The following GRIA4 variants were observed in gnomAD, a reference collection of about 807,000 sequenced individuals.
The protein encoded by GRIA4 is glutamate ionotropic receptor AMPA type subunit 4.
In GRIA4, 34 loss-of-function variants were observed where a neutral mutation model predicts 104.0. The ratio of observed to expected loss-of-function variants is 0.33; its 90% CI spans 0.25 to 0.44. The LOEUF (loss-of-function observed/expected upper bound fraction) is 0.44, where lower values mean the gene tolerates loss of function less well. Among genes scored for constraint, GRIA4 ranks in the 20% least tolerant of loss-of-function variants. The probability of loss-of-function intolerance (pLI) is 1.00; values close to 1 mark genes in which losing one functional copy is unlikely to be tolerated. For synonymous variants in GRIA4, 386 were observed against 381.9 expected (o/e 1.01, Z -0.13); for missense variants, 750 against 1,096.5 (o/e 0.68, Z 4.46).
intron 3 of GRIA4, among the ~76,000 whole-genome samples, chr11:105,619,432 T>G (rs1950685291): frequency 6.6e-6 from 1 of 151,952 alleles, no homozygotes; most frequent in Non-Finnish European, 1.5e-5. Context: ...TTCAAGTTAT[T>G]TATATTTTAA....
At chr11:105,774,383 G>A (rs1159160006) in intron 4 of GRIA4, among the ~76,000 whole-genome samples, 20 of 151,708 alleles carry the variant, frequency 1.3e-4, no homozygotes, top group Admixed American at 1.3e-3. Flanking sequence ...TCTACTACAT[G>A]TAAAATAAAA....
intron 14 of GRIA4, among the ~76,000 whole-genome samples, chr11:105,959,749 C>T (rs781188947): frequency 2.0e-5 from 3 of 152,078 alleles, no homozygotes; most frequent in Admixed American, 6.6e-5. Context: ...TGTCTAGTTT[C>T]GTTCTTTGAG....
intron 14 of GRIA4, among the ~76,000 whole-genome samples, chr11:105,943,043 G>A (rs1192299071): frequency 2.0e-5 from 3 of 151,988 alleles, no homozygotes; most frequent in Admixed American, 2.0e-4. Flanking sequence ...CTCTCTTTAG[G>A]AAAACAACAA....
chr11:105,666,304 G>A (rs1952163529), intron 3 of GRIA4, among the ~76,000 whole-genome samples: 1 of 151,862 alleles, frequency 6.6e-6, no homozygotes, highest in South Asian at 2.1e-4. Flanking sequence ...TTATATAACA[G>A]GTACTATGCT....
chr11:105,821,918 C>G (rs1227889948), intron 4 of GRIA4, among the ~76,000 whole-genome samples: 2 of 152,068 alleles, frequency 1.3e-5, no homozygotes, highest in African/African-American at 4.8e-5. Flanking sequence ...TTCGAGGTAC[C>G]CATAAAATGC....
intron 6 of GRIA4, among the ~76,000 whole-genome samples, chr11:105,888,271 C>CCTTTTTT (rs1555038827): frequency 5.5e-5 from 3 of 54,562 alleles, no homozygotes; most frequent in Middle Eastern, 0.031. Flanking sequence ...ATGTTTTCTC[C>CCTTTTTT]TTTTTTTTTT....
chr11:105,804,844 G>C (rs576845020), intron 4 of GRIA4, among the ~76,000 whole-genome samples: 4 of 152,008 alleles, frequency 2.6e-5, no homozygotes, highest in African/African-American at 9.6e-5. Flanking sequence ...AAAGATCATT[G>C]CAGTGGGATT....
chr11:105,746,667 T>C (rs997596056), intron 3 of GRIA4, among the ~76,000 whole-genome samples: 15 of 152,154 alleles, frequency 9.9e-5, no homozygotes, highest in Non-Finnish European at 1.9e-4. Context: ...ATGGATTCTA[T>C]AACATTAGCA....
chr11:105,762,301 G>A (rs1273542750), intron 4 of GRIA4, among the ~76,000 whole-genome samples: 1 of 152,204 alleles, frequency 6.6e-6, no homozygotes. Flanking sequence ...TGGGATTACA[G>A]GCATGAGCCA....
intron 4 of GRIA4, among the ~76,000 whole-genome samples, chr11:105,851,742 G>A (rs1198082817): frequency 6.6e-6 from 1 of 152,198 alleles, no homozygotes; most frequent in Non-Finnish European, 1.5e-5. Flanking sequence ...GAGACACAGT[G>A]AAAGATTGGT....
chr11:105,967,431 G>A (rs573245571), intron 14 of GRIA4, among the ~76,000 whole-genome samples: 2 of 152,202 alleles, frequency 1.3e-5, no homozygotes, highest in African/African-American at 4.8e-5. Flanking sequence ...GGTACATAAT[G>A]GACATTTTTA....
chr11:105,646,259 A>G (rs868207207), intron 3 of GRIA4, among the ~76,000 whole-genome samples: 2 of 152,292 alleles, frequency 1.3e-5, no homozygotes, highest in Middle Eastern at 3.4e-3. Flanking sequence ...TTAGTAGGAA[A>G]TTTATCGTAT....
chr11:105,901,618 C>G (rs749031290), intron 7 of GRIA4, among the ~76,000 whole-genome samples: 32 of 152,182 alleles, frequency 2.1e-4, no homozygotes, highest in South Asian at 6.2e-4. Flanking sequence ...ATTTAAACTA[C>G]TTTTTCTTTC....
At chr11:105,758,433 C>A (rs191457039) in intron 4 of GRIA4, among the ~76,000 whole-genome samples, 7 of 152,212 alleles carry the variant, frequency 4.6e-5, no homozygotes, top group Non-Finnish European at 1.0e-4. Flanking sequence ...GGTTTTCTTA[C>A]TGGTTCCTTG....
intron 4 of GRIA4, among the ~76,000 whole-genome samples, chr11:105,754,271 T>G (rs1940176969): frequency 6.6e-6 from 1 of 152,118 alleles, no homozygotes; most frequent in Non-Finnish European, 1.5e-5. Flanking sequence ...CAAATACATA[T>G]ATCATAATAA....
intron 5 of GRIA4, among the ~76,000 whole-genome samples, chr11:105,877,819 T>G (rs986364711): frequency 1.3e-5 from 2 of 152,182 alleles, no homozygotes; most frequent in African/African-American, 4.8e-5. Context: ...TAACCTTTTT[T>G]CAAGGTTCTT....
At chr11:105,736,467 C>T (rs980564226) in intron 3 of GRIA4, among the ~76,000 whole-genome samples, 11 of 151,736 alleles carry the variant, frequency 7.2e-5, no homozygotes, top group East Asian at 1.9e-4. Flanking sequence ...ACACAATTTC[C>T]GAAAGTTATT....
intron 9 of GRIA4, among the ~76,000 whole-genome samples, chr11:105,908,815 A>G (rs1947132719): frequency 6.6e-6 from 1 of 151,992 alleles, no homozygotes; most frequent in Non-Finnish European, 1.5e-5. Flanking sequence ...ATAAAGAAAA[A>G]TTGTCTTTCC....
chr11:105,650,616 T>C (rs1216355723), intron 3 of GRIA4, among the ~76,000 whole-genome samples: 1 of 152,164 alleles, frequency 6.6e-6, no homozygotes, highest in Non-Finnish European at 1.5e-5. Flanking sequence ...TTGGTGTGCA[T>C]AAGAATCTCT....
Sources: allele counts gnomAD v4.1 joint callset (sites outside exome capture counted in the v4.1 genomes callset), GRCh38; gene constraint gnomAD v4.1.1; transcripts MANE v1.5; gene names NCBI Gene and HGNC (gene_info 2026-07-23, HGNC 2026-07-21).